The following CCDC7 variants were observed in gnomAD, a reference collection of about 807,000 sequenced individuals.
CCDC7 encodes the protein coiled-coil domain containing 7.
Under a neutral mutation model 196.9 loss-of-function variants are expected in CCDC7, and 183 were observed. The ratio of observed to expected loss-of-function variants is 0.93; its 90% CI spans 0.82 to 1.05. CCDC7 has a LOEUF of 1.05. Ranked by LOEUF, CCDC7 falls within the 50% of genes least tolerant of loss-of-function variation. The pLI is 0.00. For missense variants in CCDC7, 1,540 were observed against 1,482.2 expected, an observed-to-expected ratio of 1.04 and a Z score of -0.64; for synonymous variants, 525 against 484.6, an observed-to-expected ratio of 1.08 and a Z score of -1.10.
intron 9 of CCDC7, among the ~76,000 whole-genome samples, chr10:32,509,334 G>T (rs1364662149): frequency 1.3e-5 from 2 of 152,074 alleles, no homozygotes; most frequent in Non-Finnish European, 2.9e-5. Context: ...AAATGATACT[G>T]GGAAAAGTGG....
intron 29 of CCDC7, among the ~76,000 whole-genome samples, chr10:32,802,859 T>A (rs2085082490): frequency 6.6e-6 from 1 of 152,232 alleles, no homozygotes; most frequent in East Asian, 1.9e-4. Context: ...CAGTTTAGTC[T>A]TTCACATTCT....
At chr10:32,682,786 A>AGAACACT (rs1167516217) in intron 21 of CCDC7, among the ~76,000 whole-genome samples, 2 of 152,150 alleles carry the variant, frequency 1.3e-5, no homozygotes, top group Non-Finnish European at 2.9e-5. Flanking sequence ...GGCAGCATGT[A>AGAACACT]TATCTTCTTT....
intron 9 of CCDC7, among the ~76,000 whole-genome samples, chr10:32,515,329 A>C (rs1442345692): frequency 6.6e-6 from 1 of 152,198 alleles, no homozygotes; most frequent in Non-Finnish European, 1.5e-5. Context: ...ACTTAATACA[A>C]AGCTACAGTA....
intron 3 of CCDC7, among the ~76,000 whole-genome samples, chr10:32,462,209 C>A (rs1042585376): frequency 1.3e-5 from 2 of 151,998 alleles, no homozygotes; most frequent in Non-Finnish European, 2.9e-5. Context: ...TTGCTTGTGG[C>A]CAGGAGTTCG....
rs1309589516 is a variant in CCDC7 at position 32,569,010 on chromosome 10, A to G, written c.1419+1119A>G. Among the ~76,000 whole-genome samples, 4 of 152,372 alleles carry G rather than the reference A, an allele frequency of 2.6e-5. No homozygotes were observed. The East Asian group carries it at 7.7e-4, about 29-fold the overall frequency. ...CCTAATCCAAAACAGAGGTTTTCATATATGACAGAAAAAGTTAAATAGTAA... is the reference window on the plus strand; with the variant it reads ...CCTAATCCAAAACAGAGGTTTTCATGTATGACAGAAAAAGTTAAATAGTAA... On this transcript the variant is annotated intron_variant, in intron 15 of 41. Transcript: ENST00000639629.
At chr10:32,600,882 A>T (rs2060925181) in intron 18 of CCDC7, among the ~76,000 whole-genome samples, 1 of 151,976 alleles carries the variant, frequency 6.6e-6, no homozygotes, top group Non-Finnish European at 1.5e-5. Context: ...AACCTGAAGG[A>T]TCTCTTTTGT....
chr10:32,603,982 G>A (rs1449477615), intron 18 of CCDC7, among the ~76,000 whole-genome samples: 2 of 151,930 alleles, frequency 1.3e-5, no homozygotes, highest in African/African-American at 2.4e-5. Context: ...TTTTGTTGTT[G>A]TTGCCTGTGC....
chr10:32,553,787 G>C (rs899676484), intron 13 of CCDC7, among the ~76,000 whole-genome samples: 1 of 152,178 alleles, frequency 6.6e-6, no homozygotes. Context: ...CTCTATTTTT[G>C]TGCTGGTTGG....
At chr10:32,515,871 C>A (rs2046950307) in intron 9 of CCDC7, among the ~76,000 whole-genome samples, 1 of 152,072 alleles carries the variant, frequency 6.6e-6, no homozygotes, top group African/African-American at 2.4e-5. Context: ...GCACTAATGT[C>A]AAAATTATCA....
intron 28 of CCDC7, among the ~76,000 whole-genome samples, chr10:32,746,635 C>G (rs1017060968): frequency 1.3e-5 from 2 of 152,178 alleles, no homozygotes; most frequent in Non-Finnish European, 2.9e-5. Flanking sequence ...CTGGCTATGT[C>G]TACTTGCAAC....
intron 5 of CCDC7, among the ~76,000 whole-genome samples, chr10:32,469,490 G>A (rs1286819940): frequency 6.6e-6 from 1 of 152,220 alleles, no homozygotes; most frequent in Non-Finnish European, 1.5e-5. Flanking sequence ...GAACTCACTG[G>A]GAAGGTGTCC....
At chr10:32,677,455 GTATC>G (rs1403749469) in intron 21 of CCDC7, among the ~76,000 whole-genome samples, 1 of 151,974 alleles carries the variant, frequency 6.6e-6, no homozygotes, top group Non-Finnish European at 1.5e-5. Flanking sequence ...GTCTGGAAAA[GTATC>G]TATGCTTAAC....
At chr10:32,572,866 CTTTT>C (rs576270039) in intron 16 of CCDC7, among the ~76,000 whole-genome samples, 10,392 of 89,794 alleles carry the variant, frequency 0.12, 294 homozygotes, top group South Asian at 0.26. Context: ...AAGCATGGTG[CTTTT>C]TTTTTTTTTT....
intron 18 of CCDC7, among the ~76,000 whole-genome samples, chr10:32,592,424 GTTGT>G (rs758875368): frequency 6.0e-4 from 91 of 151,672 alleles, no homozygotes; most frequent in African/African-American, 1.9e-3. Flanking sequence ...ATAAAGTTAG[GTTGT>G]TTATTTGAGA....
At position 32,814,461 on chromosome 10, in the gene CCDC7, C is replaced by T. The variant is rs1443360038; in HGVS notation, c.3181+8C>T. On this transcript the variant is annotated splice_region_variant and intron_variant, in intron 31 of 41. Coordinates refer to ENST00000639629, the Ensembl canonical transcript of CCDC7. ...GATCAAAGAGTCTCCCTGGTAAGAA[C>T]AAAAACTTTACACATTTAGTATTTC... The T allele has an allele frequency of 3.2e-6, 5 of 1,583,334 alleles. No homozygotes were observed. Among genetic ancestry groups the T allele is most frequent in the East Asian group, 2.2e-5 (1 of 44,688 alleles).
intron 20 of CCDC7, among the ~76,000 whole-genome samples, chr10:32,648,539 T>A (rs2068164413): frequency 6.6e-6 from 1 of 152,212 alleles, no homozygotes; most frequent in Non-Finnish European, 1.5e-5. Context: ...ATATTTGGGA[T>A]TGCTGGGTCA....
At chr10:32,703,587 C>T (rs922378536) in intron 24 of CCDC7, among the ~76,000 whole-genome samples, 2 of 152,172 alleles carry the variant, frequency 1.3e-5, no homozygotes, top group Non-Finnish European at 2.9e-5. Flanking sequence ...GGAAGTTCTC[C>T]TGCATAATAT....
intron 22 of CCDC7, among the ~76,000 whole-genome samples, chr10:32,687,140 T>C (rs1390799299): frequency 6.6e-6 from 1 of 152,252 alleles, no homozygotes; most frequent in East Asian, 1.9e-4. Context: ...AGCATTAAGC[T>C]TCCCATAATC....
chr10:32,634,225 T>C (rs2065279924), intron 18 of CCDC7, 29 bp from the exon 20 acceptor site: 2 of 996,902 alleles, frequency 2.0e-6, no homozygotes, highest in African/African-American at 3.3e-5. Flanking sequence ...TTTCTCTATT[T>C]GGTAGACTAA....
Sources: gnomAD v4.1 joint callset for allele counts (sites outside exome capture counted in the v4.1 genomes callset) on GRCh38, gnomAD v4.1.1 for gene constraint, MANE v1.5 for transcripts, NCBI Gene and HGNC (gene_info 2026-07-23, HGNC 2026-07-21) for gene names.